VTI1A: variants seen among roughly 807,000 people sequenced by gnomAD.
The protein encoded by VTI1A is vesicle transport through interaction with t-SNAREs 1A.
Under a neutral mutation model 34.9 loss-of-function variants are expected in VTI1A, and 22 were observed. The ratio of observed to expected loss-of-function variants is 0.63; its 90% CI spans 0.45 to 0.90. The LOEUF (loss-of-function observed/expected upper bound fraction) is 0.90, where lower values mean the gene tolerates loss of function less well. Ranked by LOEUF, VTI1A falls within the 40% of genes least tolerant of loss-of-function variation. VTI1A has a pLI of 0.00. For synonymous variants in VTI1A, 87 were observed against 97.3 expected (o/e 0.89, Z 0.62); for missense variants, 268 against 275.6 (o/e 0.97, Z 0.20).
the VTI1A span, among the ~76,000 whole-genome samples, chr10:112,839,853 A>G: frequency 2.6e-5 from 4 of 152,188 alleles, no homozygotes; most frequent in African/African-American, 9.7e-5. Context: ...CAGGGGTGGC[A>G]GGGGATAGAG....
chr10:112,593,746 A>AT (rs1329983910), intron 5 of VTI1A, among the ~76,000 whole-genome samples: 8 of 150,606 alleles, frequency 5.3e-5, no homozygotes, highest in South Asian at 2.1e-4. Context: ...TATTTTTTTT[A>AT]TTTTTTTTGA....
chr10:112,831,023 T>C, the VTI1A span: 1 of 150,746 alleles, frequency 6.6e-6, no homozygotes, highest in East Asian at 2.0e-4. Flanking sequence ...CTAATTTTTG[T>C]ATTTTTTGTA....
chr10:112,588,264 T>C (rs541882325), intron 5 of VTI1A, among the ~76,000 whole-genome samples: 14 of 152,276 alleles, frequency 9.2e-5, no homozygotes, highest in African/African-American at 3.4e-4. Flanking sequence ...TTTTTCCAGC[T>C]AATCTAAAAT....
chr10:112,827,655 A>T, the VTI1A span: 1 of 152,270 alleles, frequency 6.6e-6, no homozygotes, highest in East Asian at 1.9e-4. Flanking sequence ...AGTACAAGTA[A>T]TACATTTTGA....
chr10:112,675,224 C>T (rs1052352618), intron 7 of VTI1A, among the ~76,000 whole-genome samples: 3 of 152,154 alleles, frequency 2.0e-5, no homozygotes, highest in African/African-American at 4.8e-5. Context: ...ATTTGTTATA[C>T]GTTATCTTCT....
chr10:112,582,907 A>G (rs1217273876), intron 5 of VTI1A, among the ~76,000 whole-genome samples: 2 of 152,152 alleles, frequency 1.3e-5, no homozygotes, highest in East Asian at 1.9e-4. Context: ...AACCTCCAAG[A>G]AAATAAGACC....
intron 7 of VTI1A, among the ~76,000 whole-genome samples, chr10:112,814,019 G>A (rs754086396): frequency 3.3e-5 from 5 of 152,210 alleles, no homozygotes; most frequent in East Asian, 1.9e-4. Context: ...CCATTCAACC[G>A]TTTAGGTTTG....
chr10:112,632,758 C>T (rs114199446), intron 5 of VTI1A, among the ~76,000 whole-genome samples: 21 of 152,212 alleles, frequency 1.4e-4, no homozygotes, highest in African/African-American at 4.3e-4. Flanking sequence ...CATGGTAATG[C>T]GACTTGTAGT....
At chr10:112,447,108 G>T, upstream of VTI1A, 2 of 489,540 alleles carry the variant, frequency 4.1e-6, no homozygotes, top group South Asian at 2.6e-5. Flanking sequence ...TTTCTGGGGG[G>T]AGGCACTAAT....
chr10:112,731,591 A>C (rs1184570059), intron 7 of VTI1A, among the ~76,000 whole-genome samples: 10 of 148,368 alleles, frequency 6.7e-5, no homozygotes, highest in Non-Finnish European at 1.2e-4. Context: ...AAAAAAAAAA[A>C]CTGCATAAAA....
chr10:112,496,978 A>G (rs1203652983), intron 3 of VTI1A, among the ~76,000 whole-genome samples: 1 of 152,192 alleles, frequency 6.6e-6, no homozygotes, highest in Non-Finnish European at 1.5e-5. Context: ...TAATGATGAT[A>G]AAAGAAGGGA....
intron 4 of VTI1A, among the ~76,000 whole-genome samples, chr10:112,527,634 A>G (rs1158742841): frequency 1.3e-5 from 2 of 151,846 alleles, no homozygotes; most frequent in African/African-American, 2.4e-5. Flanking sequence ...ACATTCACCA[A>G]AATGCAAATT....
intron 4 of VTI1A, among the ~76,000 whole-genome samples, chr10:112,532,525 A>AAC (rs377144484): frequency 1.3e-5 from 2 of 152,070 alleles, no homozygotes; most frequent in African/African-American, 4.8e-5. Context: ...AATAATGTCA[A>AAC]ACACACACAC....
Position 112,618,512 on chromosome 10 carries a change from T to TAGAGAGAGAGAG in VTI1A, c.428-49705_428-49704insGAGAGAGAGAGA, listed in dbSNP as rs1209394707. On this transcript the variant is annotated intron_variant, in intron 5 of 7. Coordinates refer to ENST00000393077, the MANE Select transcript of VTI1A (RefSeq NM_145206.4). ...TATTATATATATATATATATATATA[T>TAGAGAGAGAGAG]ATATATATATATAGAGAGAGAGAGA... is the stretch of plus-strand genomic sequence containing the variant. Among the ~76,000 whole-genome samples the TAGAGAGAGAGAG allele has an allele frequency of 7.6e-3, 288 of 37,770 alleles. 1 individual carries two copies. The highest frequency in any genetic ancestry group is 0.014 in the Middle Eastern group (1 of 70). 24.8% of individuals were successfully genotyped at this position (37,770 alleles called of 152,430 possible).
chr10:112,642,056 A>G (rs920545757), intron 5 of VTI1A, among the ~76,000 whole-genome samples: 5 of 152,228 alleles, frequency 3.3e-5, no homozygotes, highest in Admixed American at 1.3e-4. Flanking sequence ...TGCAGTATTC[A>G]TAAACTTATA....
chr10:112,852,883 A>G, the VTI1A span, among the ~76,000 whole-genome samples: 1 of 152,074 alleles, frequency 6.6e-6, no homozygotes, highest in Non-Finnish European at 1.5e-5. Flanking sequence ...GGTTCAAGCA[A>G]TTCCTCTGCC....
intron 3 of VTI1A, among the ~76,000 whole-genome samples, chr10:112,495,636 T>G (rs1848993621): frequency 1.3e-5 from 2 of 152,208 alleles, no homozygotes; most frequent in African/African-American, 4.8e-5. Context: ...AGAAGAGAGT[T>G]AAATATCAAG....
At chr10:112,469,689 C>T (rs1848014266) in intron 3 of VTI1A, among the ~76,000 whole-genome samples, 1 of 152,216 alleles carries the variant, frequency 6.6e-6, no homozygotes, top group South Asian at 2.1e-4. Context: ...AATTCCATCT[C>T]TCTGCCCTGG....
intron 7 of VTI1A, among the ~76,000 whole-genome samples, chr10:112,681,374 C>T (rs1266465003): frequency 6.6e-6 from 1 of 152,184 alleles, no homozygotes; most frequent in Non-Finnish European, 1.5e-5. Context: ...AACCACTGTG[C>T]CCAGCCAGGA....
Sources: allele counts gnomAD v4.1 joint callset (sites outside exome capture counted in the v4.1 genomes callset), GRCh38; gene constraint gnomAD v4.1.1; transcripts MANE v1.5; gene names NCBI Gene and HGNC (gene_info 2026-07-23, HGNC 2026-07-21).